Variants in ZCWPW2 observed in about 807,000 individuals in gnomAD.
The protein encoded by ZCWPW2 is zinc finger CW-type PWWP domain protein 2.
ZCWPW2 carries 45 observed loss-of-function variants against 46.6 expected under a neutral mutation model. The observed-to-expected ratio is 0.96, with a 90% confidence interval of 0.76 to 1.24. The LOEUF (loss-of-function observed/expected upper bound fraction) is 1.24. Among genes scored for constraint, ZCWPW2 ranks in the 50% most tolerant of loss-of-function variants. The pLI is 0.00. For missense variants in ZCWPW2, 429 were observed against 403.9 expected (o/e 1.06, Z -0.53); for synonymous variants, 152 against 137.1 (o/e 1.11, Z -0.76).
chr3:28,422,021 T>C (rs2125748756), intron 3 of ZCWPW2, among the ~76,000 whole-genome samples: 1 of 152,200 alleles, frequency 6.6e-6, no homozygotes, highest in Non-Finnish European at 1.5e-5. Context: ...ACTTTACATT[T>C]TTATTTATTT....
intron 4 of ZCWPW2, among the ~76,000 whole-genome samples, chr3:28,466,868 G>C (rs1249499909): frequency 1.3e-5 from 2 of 151,902 alleles, no homozygotes; most frequent in East Asian, 1.9e-4. Flanking sequence ...TTCTTGATGT[G>C]GAAGATTTAA....
intron 2 of ZCWPW2, among the ~76,000 whole-genome samples, chr3:28,395,865 T>C (rs999775036): frequency 6.6e-6 from 1 of 152,118 alleles, no homozygotes; most frequent in African/African-American, 2.4e-5. Context: ...ATACTTAAAA[T>C]TCGCTAAAAT....
At chr3:28,421,182 C>G (rs1449352335) in intron 3 of ZCWPW2, among the ~76,000 whole-genome samples, 1 of 152,110 alleles carries the variant, frequency 6.6e-6, no homozygotes, top group Non-Finnish European at 1.5e-5. Context: ...AAGGGTGCCT[C>G]AATTCCACTG....
At chr3:28,516,259 A>C (rs1197298684) in intron 8 of ZCWPW2, among the ~76,000 whole-genome samples, 1 of 38,664 alleles carries the variant, frequency 2.6e-5, no homozygotes, top group Non-Finnish European at 5.5e-5. Context: ...CCCTCTCAAT[A>C]AATAAATAAA....
intron 4 of ZCWPW2, among the ~76,000 whole-genome samples, chr3:28,463,701 G>C (rs190864501): frequency 6.6e-5 from 10 of 152,090 alleles, no homozygotes; most frequent in African/African-American, 2.4e-4. Context: ...GAAATTTTTT[G>C]GTGGTGGTAC....
chr3:28,508,761 C>T (rs1205219197), intron 6 of ZCWPW2, among the ~76,000 whole-genome samples: 2 of 152,170 alleles, frequency 1.3e-5, no homozygotes, highest in African/African-American at 4.8e-5. Flanking sequence ...CTCCTGACCT[C>T]AAGTGATCTG....
intron 1 of ZCWPW2, among the ~76,000 whole-genome samples, chr3:28,377,614 G>A (rs1705545620): frequency 6.6e-6 from 1 of 151,978 alleles, no homozygotes; most frequent in Non-Finnish European, 1.5e-5. Flanking sequence ...AAATCCAAAG[G>A]TCAATTGAGA....
At chr3:28,397,624 A>T (rs1241757737) in intron 2 of ZCWPW2, among the ~76,000 whole-genome samples, 2 of 152,080 alleles carry the variant, frequency 1.3e-5, no homozygotes, top group African/African-American at 4.8e-5. Flanking sequence ...GAGCCAAGAT[A>T]GCATCACTGC....
chr3:28,520,081 T>G (rs1281197553), intron 8 of ZCWPW2, among the ~76,000 whole-genome samples: 1 of 150,980 alleles, frequency 6.6e-6, no homozygotes, highest in Non-Finnish European at 1.5e-5. Context: ...CTCAGCTCAC[T>G]GCAAGCTACG....
chr3:28,360,148 A>G (rs1704884737), intron 1 of ZCWPW2, among the ~76,000 whole-genome samples: 1 of 151,974 alleles, frequency 6.6e-6, no homozygotes, highest in Non-Finnish European at 1.5e-5. Flanking sequence ...GTAGCTTGGT[A>G]TAATTATAGT....
intron 6 of ZCWPW2, among the ~76,000 whole-genome samples, chr3:28,505,460 G>T (rs1700250941): frequency 6.6e-6 from 1 of 151,866 alleles, no homozygotes; most frequent in Non-Finnish European, 1.5e-5. Context: ...TCTAAAATAG[G>T]GCCACCAAAT....
intron 5 of ZCWPW2, among the ~76,000 whole-genome samples, chr3:28,481,353 C>T (rs1387638315): frequency 6.6e-6 from 1 of 152,110 alleles, no homozygotes; most frequent in Non-Finnish European, 1.5e-5. Flanking sequence ...TAGCAATTCT[C>T]CTGCCTCAGC....
intron 1 of ZCWPW2, among the ~76,000 whole-genome samples, chr3:28,349,971 A>G (rs1704477817): frequency 6.6e-6 from 1 of 152,222 alleles, no homozygotes. Context: ...TATAGCTGTT[A>G]GGAACAAAGA....
chr3:28,366,673 G>A (rs1170475317), intron 1 of ZCWPW2, among the ~76,000 whole-genome samples: 2 of 151,688 alleles, frequency 1.3e-5, no homozygotes, highest in South Asian at 2.1e-4. Flanking sequence ...GAGTTAGGGA[G>A]GATTCCCTCT....
At position 28,380,267 on chromosome 3, in the gene ZCWPW2, A is replaced by C. The variant is rs530382400; in HGVS notation, c.-133-10231A>C. 6.6e-5 allele frequency among the ~76,000 whole-genome samples: 10 copies of C among 152,140 alleles called. No individual in the cohort carries two copies. In the South Asian group the frequency reaches 1.0e-3, roughly 16 times the overall value. ...CCAAAGTGCTGGGATTACAGGCATG[A>C]GCCACCACGCCCGGCCAGTTTATTT... On this transcript the variant is annotated intron_variant, in intron 1 of 9. Transcript: ENST00000383768.
intron 6 of ZCWPW2, among the ~76,000 whole-genome samples, chr3:28,498,536 T>C (rs1476946589): frequency 2.0e-5 from 3 of 152,062 alleles, no homozygotes; most frequent in Admixed American, 2.0e-4. Context: ...ATGCTAGTAC[T>C]TTTCTTCCAA....
intron 4 of ZCWPW2, among the ~76,000 whole-genome samples, chr3:28,474,587 G>A (rs546614237): frequency 1.7e-4 from 2 of 12,056 alleles, no homozygotes; most frequent in African/African-American, 5.4e-4. Flanking sequence ...TAAATACAGC[G>A]TGTGTGTGTG....
rs138663699 is a variant in ZCWPW2 at position 28,370,570 on chromosome 3, C to T, written c.-133-19928C>T. 3.0e-4 allele frequency among the ~76,000 whole-genome samples: 45 copies of T among 152,124 alleles called. 2 individuals are homozygous for T. The highest frequency in any genetic ancestry group is 1.5e-3 in the South Asian group (7 of 4,814). ...TGGCTACTATTGGGGAGAAGAAAGA[C>T]GGTAGTGACTAGGGAGAGGTTATAA... On this transcript the variant is annotated intron_variant, in intron 1 of 9. Transcript: ENST00000383768.
chr3:28,495,775 G>A (rs558972171), intron 6 of ZCWPW2, among the ~76,000 whole-genome samples: 1 of 152,090 alleles, frequency 6.6e-6, no homozygotes, highest in South Asian at 2.1e-4. Flanking sequence ...CTTTACCACA[G>A]ATAGTTTGAG....
Sources: gnomAD v4.1 joint callset for allele counts (sites outside exome capture counted in the v4.1 genomes callset) on GRCh38, gnomAD v4.1.1 for gene constraint, MANE v1.5 for transcripts, NCBI Gene and HGNC (gene_info 2026-07-23, HGNC 2026-07-21) for gene names.